Variants in MCTP2 observed in about 807,000 individuals in gnomAD.
The protein encoded by MCTP2 is multiple C2 and transmembrane domain containing 2.
In MCTP2, 132 loss-of-function variants were observed where a neutral mutation model predicts 111.6. The ratio of observed to expected loss-of-function variants is 1.18; its 90% CI spans 1.03 to 1.37. The LOEUF (loss-of-function observed/expected upper bound fraction) is 1.37, where lower values mean the gene tolerates loss of function less well. Ranked by LOEUF, MCTP2 falls within the 40% of genes most tolerant of loss-of-function variation. MCTP2 has a pLI of 0.00. For synonymous variants in MCTP2, 395 were observed against 387.7 expected (o/e 1.02, Z -0.22); for missense variants, 1,183 against 1,067.9 (o/e 1.11, Z -1.50).
intron 17 of MCTP2, among the ~76,000 whole-genome samples, chr15:94,430,393 TCA>T (rs35129445): frequency 0.13 from 14,092 of 106,886 alleles, 921 homozygotes; most frequent in African/African-American, 0.14. Flanking sequence ...CCAAAAACAA[TCA>T]CACACACACA....
intron 20 of MCTP2, among the ~76,000 whole-genome samples, chr15:94,461,873 AATGAGAGACAG>A (rs1261386046): frequency 6.6e-6 from 1 of 152,120 alleles, no homozygotes; most frequent in African/African-American, 2.4e-5. Context: ...GGACATGGGG[AATGAGAGACAG>A]ATGCATTTTG....
chr15:94,272,898 A>T (rs2073985208), intron 1 of MCTP2, among the ~76,000 whole-genome samples: 1 of 152,180 alleles, frequency 6.6e-6, no homozygotes. Flanking sequence ...TGTCATCTGA[A>T]TTGCCAATCT....
At chr15:94,262,763 T>C (rs1486731020) in intron 1 of MCTP2, among the ~76,000 whole-genome samples, 1 of 151,966 alleles carries the variant, frequency 6.6e-6, no homozygotes, top group Non-Finnish European at 1.5e-5. Flanking sequence ...CTCAGCCTCC[T>C]GGGTTCAAGC....
intron 17 of MCTP2, among the ~76,000 whole-genome samples, chr15:94,434,320 C>T (rs1157037213): frequency 6.6e-6 from 1 of 152,064 alleles, no homozygotes; most frequent in Admixed American, 6.5e-5. Context: ...TCAAACAGAC[C>T]TCCCACCTTG....
chr15:94,259,834 G>C (rs1432441666), intron 1 of MCTP2, among the ~76,000 whole-genome samples: 1 of 152,188 alleles, frequency 6.6e-6, no homozygotes, highest in East Asian at 1.9e-4. Flanking sequence ...CTACTGTAGG[G>C]AAGAGTGCGC....
intron 9 of MCTP2, 66 bp downstream of exon 9, chr15:94,356,367 C>T: frequency 1.4e-6 from 2 of 1,381,692 alleles, no homozygotes; most frequent in South Asian, 1.7e-5. Context: ...AAAATTGTTT[C>T]CCACTTTAAA....
chr15:94,242,146 C>T (rs538632545), intron 1 of MCTP2, among the ~76,000 whole-genome samples: 19 of 152,220 alleles, frequency 1.2e-4, no homozygotes, highest in Middle Eastern at 3.4e-3. Context: ...AAGGCCTATG[C>T]TATGGCTCCC....
intron 1 of MCTP2, among the ~76,000 whole-genome samples, chr15:94,289,573 A>C (rs1037097313): frequency 6.6e-6 from 1 of 152,260 alleles, no homozygotes; most frequent in Non-Finnish European, 1.5e-5. Flanking sequence ...TTAATTGAAT[A>C]GACTATCTTA....
chr15:94,358,343 A>T (rs2152426251), intron 9 of MCTP2, 139 bp from the exon 10 acceptor site: 1 of 719,550 alleles, frequency 1.4e-6, no homozygotes, highest in Admixed American at 3.3e-5. Context: ...CTTTCATTCT[A>T]AAAAAAGAAG....
rs767685107 is a variant in MCTP2, at chr15:94,394,049, CAAAAAA to C, written c.1789-4894_1789-4889del. On this transcript the variant is annotated intron_variant, in intron 14 of 22. Coordinates refer to ENST00000357742, the MANE Select transcript of MCTP2 (RefSeq NM_001385001.1). ...TGGGCAATAGAGCAGAACTCCATCT[CAAAAAA>C]AAAAAAAAAAAAAAAAATGTAAAAA... 2.9e-4 allele frequency among the ~76,000 whole-genome samples: 18 copies of C among 61,750 alleles called. No individual in the cohort carries two copies. The South Asian group carries it at 6.2e-3, about 21-fold the overall frequency. 40.5% of individuals were successfully genotyped at this position (61,750 alleles called of 152,430 possible). A position where few individuals can be genotyped will look rare whatever the true frequency, so the allele number is the denominator to read the frequency against.
chr15:94,259,411 TA>T (rs1166910117), intron 1 of MCTP2, among the ~76,000 whole-genome samples: 8 of 152,214 alleles, frequency 5.3e-5, no homozygotes, highest in Admixed American at 2.0e-4. Flanking sequence ...TGCTAGTTCA[TA>T]AATCTTTTAT....
At chr15:94,463,679 C>T (rs924126356) in intron 20 of MCTP2, among the ~76,000 whole-genome samples, 11 of 152,096 alleles carry the variant, frequency 7.2e-5, no homozygotes, top group Non-Finnish European at 1.2e-4. Context: ...AAGCTTTCAA[C>T]GTTTCACCCT....
intron 1 of MCTP2, among the ~76,000 whole-genome samples, chr15:94,275,783 A>G (rs1322514705): frequency 6.6e-6 from 1 of 152,152 alleles, no homozygotes; most frequent in African/African-American, 2.4e-5. Context: ...AATAGAAAAA[A>G]CATAGATGAA....
chr15:94,458,319 G>T, intron 20 of MCTP2, 73 bp downstream of exon 20: 2 of 903,550 alleles, frequency 2.2e-6, no homozygotes, highest in Non-Finnish European at 3.7e-6. Context: ...TAATGGCAGT[G>T]GTGTGCGACA....
intron 8 of MCTP2, among the ~76,000 whole-genome samples, chr15:94,346,820 T>C (rs867195582): frequency 6.6e-6 from 1 of 152,030 alleles, no homozygotes; most frequent in African/African-American, 2.4e-5. Context: ...GGTGAAGTTA[T>C]CAAAAATATG....
intron 17 of MCTP2, among the ~76,000 whole-genome samples, chr15:94,425,322 A>G (rs2082829496): frequency 6.6e-6 from 1 of 152,100 alleles, no homozygotes; most frequent in Admixed American, 6.6e-5. Context: ...GTATCACACA[A>G]ATATTTAGGT....
chr15:94,443,346 C>T (rs2083900116), intron 19 of MCTP2, among the ~76,000 whole-genome samples: 1 of 152,204 alleles, frequency 6.6e-6, no homozygotes. Flanking sequence ...CACTTCCGCG[C>T]CTGTCATTTT....
intron 4 of MCTP2, among the ~76,000 whole-genome samples, chr15:94,326,762 T>A (rs1454695443): frequency 6.6e-6 from 1 of 151,214 alleles, no homozygotes; most frequent in Non-Finnish European, 1.5e-5. Context: ...GAGATGGCGT[T>A]TCACCCTGTT....
At chr15:94,440,403 T>C in intron 18 of MCTP2, 105 bp downstream of exon 18, 1 of 1,438,194 alleles carries the variant, frequency 7.0e-7, no homozygotes, top group Non-Finnish European at 9.5e-7. Flanking sequence ...GTTTGAGGTG[T>C]AAGGAGCAGC....
Sources: allele counts gnomAD v4.1 joint callset (sites outside exome capture counted in the v4.1 genomes callset), GRCh38; gene constraint gnomAD v4.1.1; transcripts MANE v1.5; gene names NCBI Gene and HGNC (gene_info 2026-07-23, HGNC 2026-07-21).